The following RASGRP1 variants were observed in gnomAD, a reference collection of about 807,000 sequenced individuals.
RASGRP1 encodes RAS guanyl-releasing protein 1.
Under a neutral mutation model 95.1 loss-of-function variants are expected in RASGRP1, and 37 were observed. The ratio of observed to expected loss-of-function variants is 0.39; its 90% CI spans 0.30 to 0.51. RASGRP1 has a LOEUF of 0.51. RASGRP1 is among the 20% of genes least tolerant of loss of function. The pLI, the probability that RASGRP1 is intolerant of heterozygous loss-of-function variation, is 0.80. For missense variants in RASGRP1, 711 were observed against 965.4 expected, an observed-to-expected ratio of 0.74 and a Z score of 3.49; for synonymous variants, 325 against 353.4, an observed-to-expected ratio of 0.92 and a Z score of 0.90.
rs75552580 is a variant in RASGRP1 at position 38,556,731 on chromosome 15, C to T, written c.220+3090G>A. On this transcript the variant is annotated intron_variant, in intron 2 of 16. Coordinates refer to ENST00000310803, the MANE Select transcript of RASGRP1 (RefSeq NM_005739.4). ...CATTTAACTTTAATTGAAATGTATA[C>T]GAAAATAGCCACATGTGGCCAGTGC... Among the ~76,000 whole-genome samples the T allele has an allele frequency of 3.0e-4, 45 of 152,218 alleles. No homozygotes were observed. The East Asian group carries it at 8.7e-3, about 29-fold the overall frequency.
At chr15:38,529,367 G>A (rs11073335) in intron 2 of RASGRP1, among the ~76,000 whole-genome samples, 14,668 of 152,072 alleles carry the variant, frequency 0.096, 1,744 homozygotes, top group African/African-American at 0.28. Flanking sequence ...ATACCACATT[G>A]CTCCTCTCCA....
At chr15:38,554,686 A>C (rs2141190556) in intron 2 of RASGRP1, among the ~76,000 whole-genome samples, 1 of 152,334 alleles carries the variant, frequency 6.6e-6, no homozygotes, top group South Asian at 2.1e-4. Context: ...CTTGGAATAA[A>C]TAGTGTCCAG....
chr15:38,515,988 T>C (rs1891762875), intron 6 of RASGRP1, among the ~76,000 whole-genome samples: 1 of 150,920 alleles, frequency 6.6e-6, no homozygotes, highest in African/African-American at 2.4e-5. Context: ...GGCGGGGGCA[T>C]GGAAGAAGAG....
chr15:38,512,489 AT>A (rs1891574058), intron 7 of RASGRP1, among the ~76,000 whole-genome samples: 1 of 152,234 alleles, frequency 6.6e-6, no homozygotes, highest in South Asian at 2.1e-4. Context: ...ACTCGGGAAA[AT>A]AATGTAGGCT....
intron 5 of RASGRP1, among the ~76,000 whole-genome samples, chr15:38,517,210 C>A (rs780376684): frequency 7.2e-5 from 11 of 152,270 alleles, no homozygotes; most frequent in Non-Finnish European, 1.2e-4. Context: ...CATTATTCCT[C>A]AGTTATATCT....
intron 2 of RASGRP1, among the ~76,000 whole-genome samples, chr15:38,538,137 G>A (rs1032223845): frequency 2.6e-5 from 4 of 152,056 alleles, no homozygotes; most frequent in Non-Finnish European, 4.4e-5. Context: ...GGTGGTGGGC[G>A]CCTGTAATCT....
chr15:38,542,842 T>TATATGTGTGTATATATATATAC (rs1892929468), intron 2 of RASGRP1, among the ~76,000 whole-genome samples: 2 of 115,282 alleles, frequency 1.7e-5, no homozygotes, highest in African/African-American at 4.3e-5. Flanking sequence ...TGTGTATATA[T>TATATGTGTGTATATATATATAC]ATATATGTGT....
intron 14 of RASGRP1, 30 bp from the exon 15 acceptor site, chr15:38,498,976 T>A (rs533773941): frequency 6.2e-7 from 1 of 1,613,816 alleles, no homozygotes; most frequent in Admixed American, 1.7e-5. Context: ...GGTCAAGAAG[T>A]CTTTCACTTT....
intron 3 of RASGRP1, among the ~76,000 whole-genome samples, chr15:38,522,554 A>T (rs756162783): frequency 2.0e-5 from 3 of 152,234 alleles, no homozygotes; most frequent in Non-Finnish European, 4.4e-5. Flanking sequence ...AATTAAATAG[A>T]TTGTCAATCA....
At chr15:38,499,608 G>A (rs972422256) in intron 14 of RASGRP1, among the ~76,000 whole-genome samples, 3 of 152,176 alleles carry the variant, frequency 2.0e-5, no homozygotes, top group African/African-American at 7.2e-5. Flanking sequence ...ACCACTTTGG[G>A]GATGAGACTC....
chr15:38,490,715 T>C, intron 16 of RASGRP1, 27 bp from the exon 17 acceptor site: 1 of 1,589,578 alleles, frequency 6.3e-7, no homozygotes, highest in Non-Finnish European at 8.6e-7. Flanking sequence ...ATGAGGTATG[T>C]TAATAAAGCA....
intron 2 of RASGRP1, among the ~76,000 whole-genome samples, chr15:38,547,929 C>T (rs1893166177): frequency 6.6e-6 from 1 of 151,030 alleles, no homozygotes; most frequent in South Asian, 2.1e-4. Context: ...TACTCAACTC[C>T]AACTCCCGCC....
At chr15:38,493,179 C>CTTTTTTT (rs71418810) in intron 16 of RASGRP1, among the ~76,000 whole-genome samples, 1 of 104,532 alleles carries the variant, frequency 9.6e-6, no homozygotes, top group African/African-American at 3.8e-5. Context: ...CACGCCGGGC[C>CTTTTTTT]TTTTTTTTTT....
intron 2 of RASGRP1, among the ~76,000 whole-genome samples, chr15:38,547,558 A>G (rs946265362): frequency 1.3e-5 from 2 of 152,200 alleles, no homozygotes; most frequent in Non-Finnish European, 2.9e-5. Context: ...ACCACCTTCC[A>G]AAGTAAACTA....
chr15:38,505,351 T>C (rs1732587275), intron 10 of RASGRP1, among the ~76,000 whole-genome samples: 2 of 152,142 alleles, frequency 1.3e-5, no homozygotes, highest in Admixed American at 6.5e-5. Flanking sequence ...ACCCAGAACA[T>C]TACAGGAAAA....
chr15:38,561,597 C>T (rs1311675567), intron 1 of RASGRP1, among the ~76,000 whole-genome samples: 3 of 152,200 alleles, frequency 2.0e-5, no homozygotes, highest in Non-Finnish European at 2.9e-5. Context: ...TGGTGTATAA[C>T]TGAACTATGG....
chr15:38,513,334 C>T (rs1422058486), intron 6 of RASGRP1, among the ~76,000 whole-genome samples: 3 of 152,088 alleles, frequency 2.0e-5, no homozygotes, highest in Admixed American at 1.3e-4. Flanking sequence ...AGGTAATTCC[C>T]CTGACAAAAA....
intron 2 of RASGRP1, among the ~76,000 whole-genome samples, chr15:38,536,378 A>C (rs917086990): frequency 1.1e-4 from 17 of 152,210 alleles, no homozygotes; most frequent in African/African-American, 4.1e-4. Context: ...AAAAGAAATA[A>C]ACAAACTGGG....
At chr15:38,556,452 G>A (rs1378683210) in intron 2 of RASGRP1, among the ~76,000 whole-genome samples, 2 of 152,218 alleles carry the variant, frequency 1.3e-5, no homozygotes, top group Non-Finnish European at 2.9e-5. Flanking sequence ...AGCCATCAGT[G>A]AGACTTCTGA....
Sources: gnomAD v4.1 joint callset for allele counts (sites outside exome capture counted in the v4.1 genomes callset) on GRCh38, gnomAD v4.1.1 for gene constraint, MANE v1.5 for transcripts, NCBI Gene and HGNC (gene_info 2026-07-23, HGNC 2026-07-21) for gene names.